Variants in B4GALT5 observed in about 807,000 individuals in gnomAD.
B4GALT5 encodes the protein UDP-Gal:beta-GlcNAc beta-1,4-galactosyltransferase 5.
A neutral mutation model predicts 45.0 loss-of-function variants in B4GALT5; 11 were observed. The ratio of observed to expected loss-of-function variants is 0.24; its 90% CI spans 0.15 to 0.40. The LOEUF is 0.40. Among genes scored for constraint, B4GALT5 ranks in the 10% least tolerant of loss-of-function variants. The pLI is 1.00. For synonymous variants in B4GALT5, 185 were observed against 182.9 expected (o/e 1.01, Z -0.09); for missense variants, 337 against 500.2 (o/e 0.67, Z 3.11).
intron 1 of B4GALT5, among the ~76,000 whole-genome samples, chr20:49,680,778 T>A (rs1352086509): frequency 6.6e-6 from 1 of 152,194 alleles, no homozygotes; most frequent in Non-Finnish European, 1.5e-5. Flanking sequence ...TTCAAATGAT[T>A]TAAATGGTAC....
intron 1 of B4GALT5, among the ~76,000 whole-genome samples, chr20:49,662,190 GT>G (rs2085667892): frequency 6.6e-6 from 1 of 152,028 alleles, no homozygotes; most frequent in East Asian, 1.9e-4. Context: ...CTAAAAGAGG[GT>G]TCAGAACCAG....
At chr20:49,671,454 G>A (rs2085715538) in intron 1 of B4GALT5, among the ~76,000 whole-genome samples, 1 of 152,170 alleles carries the variant, frequency 6.6e-6, no homozygotes, top group Non-Finnish European at 1.5e-5. Flanking sequence ...AAGCAGAGAT[G>A]AAGCTATTGA....
chr20:49,700,823 C>A (rs1568734720), intron 1 of B4GALT5, among the ~76,000 whole-genome samples: 1 of 152,098 alleles, frequency 6.6e-6, no homozygotes, highest in Non-Finnish European at 1.5e-5. Flanking sequence ...GAATGGTGCA[C>A]AATTTAAAAT....
intron 1 of B4GALT5, among the ~76,000 whole-genome samples, chr20:49,681,141 A>G (rs1002088476): frequency 1.0e-4 from 15 of 142,940 alleles, no homozygotes. Flanking sequence ...GTTTGAGCCC[A>G]TGTGTTTTAG....
intron 1 of B4GALT5, among the ~76,000 whole-genome samples, chr20:49,705,760 C>A (rs1568736361): frequency 3.3e-5 from 5 of 152,056 alleles, no homozygotes; most frequent in Non-Finnish European, 1.5e-5. Flanking sequence ...AGTCCAGTCT[C>A]CTCAGTTCAC....
At chr20:49,674,684 C>T (rs1254633015) in intron 1 of B4GALT5, among the ~76,000 whole-genome samples, 1 of 150,308 alleles carries the variant, frequency 6.7e-6, no homozygotes, top group Non-Finnish European at 1.5e-5. Flanking sequence ...AGACCCCATC[C>T]CTATTAAAAA....
chr20:49,683,120 A>G (rs1212861275), intron 1 of B4GALT5, among the ~76,000 whole-genome samples: 4 of 152,056 alleles, frequency 2.6e-5, no homozygotes, highest in African/African-American at 9.7e-5. Context: ...AAAAAGTGAC[A>G]TAGAAGGACG....
At chr20:49,676,200 AGTGTGTGT>A (rs71759377) in intron 1 of B4GALT5, among the ~76,000 whole-genome samples, 2 of 151,466 alleles carry the variant, frequency 1.3e-5, no homozygotes, top group African/African-American at 2.4e-5. Flanking sequence ...AGAGAGAGAG[AGTGTGTGT>A]GTGTGTGTTA....
chr20:49,700,637 T>A (rs2085857768), intron 1 of B4GALT5, among the ~76,000 whole-genome samples: 1 of 152,128 alleles, frequency 6.6e-6, no homozygotes, highest in Non-Finnish European at 1.5e-5. Flanking sequence ...AATAATAAAA[T>A]TAAAATAAGG....
intron 1 of B4GALT5, among the ~76,000 whole-genome samples, chr20:49,665,446 A>T (rs202013735): frequency 1.2e-5 from 1 of 81,166 alleles, no homozygotes; most frequent in Non-Finnish European, 2.7e-5. Context: ...AGTAGTAATA[A>T]TAATAATAAT....
chr20:49,653,890 C>CT (rs1491203630), intron 2 of B4GALT5, among the ~76,000 whole-genome samples: 1 of 152,164 alleles, frequency 6.6e-6, no homozygotes, highest in Non-Finnish European at 1.5e-5. Context: ...AAGGGTGAAA[C>CT]TCACCTCTGT....
chr20:49,682,760 G>A (rs1369402158), intron 1 of B4GALT5, among the ~76,000 whole-genome samples: 1 of 111,894 alleles, frequency 8.9e-6, no homozygotes, highest in African/African-American at 2.9e-5. Flanking sequence ...GTTAAATGTA[G>A]TTAAGAGTAT....
At chr20:49,706,711 G>T (rs1380088849) in intron 1 of B4GALT5, among the ~76,000 whole-genome samples, 1 of 152,080 alleles carries the variant, frequency 6.6e-6, no homozygotes, top group Non-Finnish European at 1.5e-5. Context: ...CTTCTCTTCA[G>T]CCCACACCCA....
rs73910579 is a variant in B4GALT5 at position 49,641,298 on chromosome 20, T to A, written c.607-633A>T. Reference sequence around the variant, plus strand: ...GAGACAACACTACCATTTCTACTCCTTACCACTTGCTCTTCAGCACATCAA... The same window carrying A: ...GAGACAACACTACCATTTCTACTCCATACCACTTGCTCTTCAGCACATCAA... On this transcript the variant is annotated intron_variant, in intron 5 of 8. Coordinates refer to ENST00000371711, the MANE Select transcript of B4GALT5 (RefSeq NM_004776.4). Among the ~76,000 whole-genome samples, 1,277 of 152,332 alleles carry A rather than the reference T, an allele frequency of 8.4e-3. 21 individuals carry two copies. Among genetic ancestry groups the A allele is most frequent in the African/African-American group, 0.03 (1,242 of 41,572 alleles).
rs1332300038 is a variant in B4GALT5 at position 49,634,971 on chromosome 20, C to A, written c.*1341G>T. 6.6e-6 allele frequency: 1 copy of A among 152,262 alleles called. No individual in the cohort carries two copies. The highest frequency in any genetic ancestry group is 2.4e-5 in the African/African-American group (1 of 41,456). 9.4% of individuals were successfully genotyped at this position (152,262 alleles called of 1,614,324 possible). On this transcript the variant is annotated 3_prime_UTR_variant, in exon 9 of 9. Coordinates refer to ENST00000371711, the MANE Select transcript of B4GALT5 (RefSeq NM_004776.4). ...CTTTGTTAGTCTAATTTCAAAGCTT[C>A]AATCCGGTCTTACCTGGATCCCAGC... is the stretch of plus-strand genomic sequence containing the variant.
chr20:49,704,737 A>C (rs1219777562), intron 1 of B4GALT5, among the ~76,000 whole-genome samples: 3 of 151,692 alleles, frequency 2.0e-5, no homozygotes, highest in Non-Finnish European at 2.9e-5. Flanking sequence ...AACAAAAAAA[A>C]ACAAAAAAAA....
At chr20:49,695,097 CT>C (rs763721449) in intron 1 of B4GALT5, among the ~76,000 whole-genome samples, 3,769 of 135,398 alleles carry the variant, frequency 0.028, 52 homozygotes, top group East Asian at 0.092. Context: ...TCATTAGGTT[CT>C]TTTTTTTTTT....
intron 7 of B4GALT5, among the ~76,000 whole-genome samples, chr20:49,638,467 T>C (rs1040569836): frequency 1.3e-5 from 2 of 152,228 alleles, no homozygotes; most frequent in African/African-American, 4.8e-5. Context: ...CATAAAAATA[T>C]TACTTTATTC....
At chr20:49,701,134 C>T (rs1398831136) in intron 1 of B4GALT5, among the ~76,000 whole-genome samples, 1 of 152,158 alleles carries the variant, frequency 6.6e-6, no homozygotes, top group Non-Finnish European at 1.5e-5. Flanking sequence ...TCAAGTCTAG[C>T]ACACTGTAGG....
Sources: allele counts gnomAD v4.1 joint callset (sites outside exome capture counted in the v4.1 genomes callset), GRCh38; gene constraint gnomAD v4.1.1; transcripts MANE v1.5; gene names NCBI Gene and HGNC (gene_info 2026-07-23, HGNC 2026-07-21).